HORMAD2: variants seen among roughly 807,000 people sequenced by gnomAD.
The protein encoded by HORMAD2 is HORMA domain containing 2.
HORMAD2 carries 45 observed loss-of-function variants against 38.8 expected under a neutral mutation model. That is an observed-to-expected ratio of 1.16 (90% CI 0.91 to 1.49). HORMAD2 has a LOEUF of 1.49. Among genes scored for constraint, HORMAD2 ranks in the 40% most tolerant of loss-of-function variants. HORMAD2 has a pLI of 0.00. For missense variants in HORMAD2, 338 were observed against 367.0 expected (o/e 0.92, Z 0.65); for synonymous variants, 126 against 122.8 (o/e 1.03, Z -0.17).
chr22:30,112,494 A>G lies in HORMAD2; in HGVS notation c.316-2A>G. ...AAATGATGTTTATTTTCCCTTATAC[A>G]GCTTTACACAGATCCCATGGGATCT... is the stretch of plus-strand genomic sequence containing the variant. On this transcript the variant is annotated splice_acceptor_variant, in intron 6 of 10. Coordinates refer to ENST00000336726, the MANE Select transcript of HORMAD2 (RefSeq NM_152510.4). LOFTEE classifies it high-confidence loss of function. 2 of 1,396,276 alleles carry G rather than the reference A, an allele frequency of 1.4e-6. No individual in the cohort carries two copies. The highest frequency in any genetic ancestry group is 2.7e-5 in the South Asian group (2 of 73,400). 86.5% of individuals were successfully genotyped at this position (1,396,276 alleles called of 1,614,324 possible). A position where few individuals can be genotyped will look rare whatever the true frequency, so the allele number is the denominator to read the frequency against.
At chr22:30,202,952 G>C in the HORMAD2 span, among the ~76,000 whole-genome samples, 1 of 152,198 alleles carries the variant, frequency 6.6e-6, no homozygotes, top group East Asian at 1.9e-4. Context: ...GAAGGAGCTT[G>C]GGCCCAGGGC....
At chr22:30,112,766 GT>G (rs1271836867) in intron 7 of HORMAD2, among the ~76,000 whole-genome samples, 1 of 151,992 alleles carries the variant, frequency 6.6e-6, no homozygotes, top group African/African-American at 2.4e-5. Flanking sequence ...TCCCTAACCT[GT>G]TGGCATTAAG....
chr22:30,095,631 C>T (rs927655395), intron 2 of HORMAD2, among the ~76,000 whole-genome samples: 1 of 152,080 alleles, frequency 6.6e-6, no homozygotes. Flanking sequence ...ATGTTTTGCT[C>T]ACTACTATGT....
At chr22:30,183,360 C>T in the HORMAD2 span, among the ~76,000 whole-genome samples, 30 of 152,312 alleles carry the variant, frequency 2.0e-4, no homozygotes, top group East Asian at 5.6e-3. Context: ...CGCCAGCCCA[C>T]CCTCCCCAGG....
At chr22:30,171,000 C>T (rs551324599) in intron 10 of HORMAD2, among the ~76,000 whole-genome samples, 3 of 152,116 alleles carry the variant, frequency 2.0e-5, no homozygotes, top group Non-Finnish European at 4.4e-5. Context: ...TTCTCCACTC[C>T]CTCTTCTTAA....
the HORMAD2 span, among the ~76,000 whole-genome samples, chr22:30,184,242 C>T: frequency 1.3e-5 from 2 of 152,162 alleles, no homozygotes; most frequent in Admixed American, 1.3e-4. Context: ...AATTACATTA[C>T]ATGTTCAGAA....
chr22:30,191,569 T>C, the HORMAD2 span, among the ~76,000 whole-genome samples: 4 of 152,182 alleles, frequency 2.6e-5, no homozygotes, highest in African/African-American at 7.2e-5. Context: ...TATGGTATGA[T>C]GTGGCATTGG....
chr22:30,103,648 G>GTTTTTTTTTTTTTT (rs1569087601), intron 4 of HORMAD2, 148 bp downstream of exon 4: 1 of 73,314 alleles, frequency 1.4e-5, no homozygotes, highest in African/African-American at 1.1e-4. Flanking sequence ...TTCTGTTTTT[G>GTTTTTTTTTTTTTT]ATTTTTTTTT....
the HORMAD2 span, among the ~76,000 whole-genome samples, chr22:30,198,122 T>G: frequency 6.6e-6 from 1 of 152,122 alleles, no homozygotes; most frequent in Admixed American, 6.5e-5. Flanking sequence ...AGGCGAAGGT[T>G]GCAGTGAGCC....
the HORMAD2 span, among the ~76,000 whole-genome samples, chr22:30,193,191 C>A: frequency 3.9e-5 from 6 of 152,178 alleles, no homozygotes; most frequent in South Asian, 1.2e-3. Flanking sequence ...GAAAAGAGAC[C>A]GAGGCCTTTT....
chr22:30,155,361 A>G (rs1925005235), intron 10 of HORMAD2, among the ~76,000 whole-genome samples: 1 of 152,120 alleles, frequency 6.6e-6, no homozygotes, highest in African/African-American at 2.4e-5. Context: ...GTATGGACTC[A>G]TGGGTCTTTA....
chr22:30,122,345 A>C (rs1922520643), intron 10 of HORMAD2, 131 bp downstream of exon 10: 4 of 760,926 alleles, frequency 5.3e-6, no homozygotes, highest in Non-Finnish European at 3.9e-6. Flanking sequence ...TCTGACATCA[A>C]GGAGTTTTTA....
intron 4 of HORMAD2, 144 bp downstream of exon 4, chr22:30,103,644 TTTTGA>T: frequency 3.1e-5 from 13 of 414,694 alleles, no homozygotes; most frequent in Non-Finnish European, 3.7e-5. Context: ...CTTTTTCTGT[TTTTGA>T]TTTTTTTTTT....
intron 10 of HORMAD2, among the ~76,000 whole-genome samples, chr22:30,153,338 C>T (rs185012742): frequency 3.9e-5 from 6 of 152,176 alleles, no homozygotes; most frequent in South Asian, 2.1e-4. Context: ...TTTATTCTAT[C>T]GCTTCCCTAA....
At chr22:30,090,218 C>T (rs9625916) in intron 1 of HORMAD2, among the ~76,000 whole-genome samples, 57 of 152,042 alleles carry the variant, frequency 3.7e-4, no homozygotes, top group Non-Finnish European at 7.2e-4. Flanking sequence ...CAAAAATTAG[C>T]GAGGTGTGGT....
chr22:30,117,691 T>G (rs1922147385), intron 7 of HORMAD2, among the ~76,000 whole-genome samples: 1 of 152,108 alleles, frequency 6.6e-6, no homozygotes, highest in Non-Finnish European at 1.5e-5. Context: ...GTATTTTTAG[T>G]AGAGACAGGG....
intron 3 of HORMAD2, among the ~76,000 whole-genome samples, chr22:30,101,664 T>G (rs541908136): frequency 2.6e-5 from 4 of 152,116 alleles, no homozygotes; most frequent in African/African-American, 7.2e-5. Context: ...AAAATAAACA[T>G]AGAGAGCTAC....
At chr22:30,185,440 C>G in the HORMAD2 span, among the ~76,000 whole-genome samples, 8 of 152,176 alleles carry the variant, frequency 5.3e-5, no homozygotes, top group African/African-American at 1.7e-4. Flanking sequence ...ATAAAGCAAT[C>G]ATTTGCATGC....
At chr22:30,192,066 TG>T in the HORMAD2 span, 1 of 152,216 alleles carries the variant, frequency 6.6e-6, no homozygotes, top group African/African-American at 2.4e-5. Context: ...GGCCAAAGTT[TG>T]AATGAGGGGC....
Sources: gnomAD v4.1 joint callset for allele counts (sites outside exome capture counted in the v4.1 genomes callset) on GRCh38, gnomAD v4.1.1 for gene constraint, MANE v1.5 for transcripts, NCBI Gene and HGNC (gene_info 2026-07-23, HGNC 2026-07-21) for gene names.